Variants in CADM2 observed in about 807,000 individuals in gnomAD.
The protein encoded by CADM2 is cell adhesion molecule 2, also known as immunoglobulin superfamily member 4D.
A neutral mutation model predicts 49.8 loss-of-function variants in CADM2; 12 were observed. That is an observed-to-expected ratio of 0.24 (90% CI 0.15 to 0.39). The LOEUF is 0.39. CADM2 is among the 10% of genes least tolerant of loss of function. The pLI is 1.00. For synonymous variants in CADM2, 214 were observed against 175.4 expected (o/e 1.22, Z -1.74); for missense variants, 378 against 492.3 (o/e 0.77, Z 2.20).
chr3:85,120,855 T>A (rs190783995), intron 1 of CADM2, among the ~76,000 whole-genome samples: 284 of 152,276 alleles, frequency 1.9e-3, no homozygotes, highest in Non-Finnish European at 2.8e-3. Flanking sequence ...GATACATTGC[T>A]CTGCATCTCC....
chr3:85,918,726 A>G (rs1243060122), intron 6 of CADM2, among the ~76,000 whole-genome samples: 5 of 152,138 alleles, frequency 3.3e-5, no homozygotes, highest in African/African-American at 9.6e-5. Flanking sequence ...CAGATTTTAC[A>G]TAACAGGGAA....
At chr3:85,962,888 A>T (rs1725014353) in intron 8 of CADM2, among the ~76,000 whole-genome samples, 1 of 151,944 alleles carries the variant, frequency 6.6e-6, no homozygotes, top group Non-Finnish European at 1.5e-5. Flanking sequence ...CTATGGACAA[A>T]ATATGTTTAT....
intron 1 of CADM2, among the ~76,000 whole-genome samples, chr3:85,553,518 A>G (rs1194471613): frequency 9.5e-6 from 1 of 105,048 alleles, no homozygotes; most frequent in Non-Finnish European, 2.4e-5. Context: ...TAAAACAAGA[A>G]AATTCTACAT....
chr3:84,978,796 C>T (rs2031989290), intron 1 of CADM2, among the ~76,000 whole-genome samples: 1 of 151,940 alleles, frequency 6.6e-6, no homozygotes, highest in African/African-American at 2.4e-5. Context: ...TCATAATAGG[C>T]CATAGGGGAA....
chr3:85,224,770 A>T (rs1453123601), intron 1 of CADM2, among the ~76,000 whole-genome samples: 1 of 152,046 alleles, frequency 6.6e-6, no homozygotes, highest in Non-Finnish European at 1.5e-5. Context: ...TCCTGAGTTA[A>T]TTTTTGTATA....
intron 1 of CADM2, among the ~76,000 whole-genome samples, chr3:85,679,863 C>A (rs1364486098): frequency 6.6e-6 from 1 of 152,044 alleles, no homozygotes; most frequent in Non-Finnish European, 1.5e-5. Flanking sequence ...ATAGCATTTT[C>A]CTCTCTATTG....
At chr3:85,006,983 T>C (rs1271371981) in intron 1 of CADM2, among the ~76,000 whole-genome samples, 2 of 152,140 alleles carry the variant, frequency 1.3e-5, no homozygotes, top group Admixed American at 6.6e-5. Flanking sequence ...CAATAAAATG[T>C]TGCTTAGATT....
chr3:85,378,081 A>G (rs2033696892), intron 1 of CADM2, among the ~76,000 whole-genome samples: 1 of 152,042 alleles, frequency 6.6e-6, no homozygotes, highest in African/African-American at 2.4e-5. Context: ...ATTTTCTATC[A>G]TTGTGAACCA....
At chr3:85,145,461 A>G (rs114861053) in intron 1 of CADM2, among the ~76,000 whole-genome samples, 4,644 of 151,888 alleles carry the variant, frequency 0.031, 102 homozygotes, top group East Asian at 0.044. Flanking sequence ...GTAGAACTAA[A>G]TCACAGTCTT....
intron 1 of CADM2, among the ~76,000 whole-genome samples, chr3:85,206,473 A>G (rs1191981287): frequency 4.0e-5 from 6 of 151,568 alleles, no homozygotes; most frequent in Admixed American, 3.9e-4. Context: ...ACGCCCGGCT[A>G]ATTTTTTGTA....
chr3:85,543,262 T>A (rs1427004307), intron 1 of CADM2, among the ~76,000 whole-genome samples: 2 of 43,100 alleles, frequency 4.6e-5, no homozygotes, highest in African/African-American at 7.6e-5. Context: ...TTTTTATTTT[T>A]ATTTTTTTTG....
intron 1 of CADM2, among the ~76,000 whole-genome samples, chr3:85,321,838 A>G (rs1305508946): frequency 2.0e-5 from 3 of 152,208 alleles, no homozygotes; most frequent in African/African-American, 4.8e-5. Flanking sequence ...CATTGTATGA[A>G]TAGTATGCAT....
At chr3:85,642,692 G>A (rs1456230583) in intron 1 of CADM2, among the ~76,000 whole-genome samples, 1 of 152,128 alleles carries the variant, frequency 6.6e-6, no homozygotes, top group East Asian at 1.9e-4. Flanking sequence ...ACTTGGAAAT[G>A]CTATTAATGA....
At chr3:86,045,521 G>A (rs1218249357) in intron 8 of CADM2, among the ~76,000 whole-genome samples, 1 of 152,120 alleles carries the variant, frequency 6.6e-6, no homozygotes, top group Non-Finnish European at 1.5e-5. Flanking sequence ...GTTACCATGT[G>A]CTGTGAAATT....
chr3:85,979,249 C>A (rs763119513), intron 8 of CADM2: 1 of 1,610,818 alleles, frequency 6.2e-7, no homozygotes, highest in Non-Finnish European at 8.5e-7. Context: ...TAACAACCAG[C>A]CCAACCACAT....
chr3:85,355,966 G>A (rs956576886), intron 1 of CADM2, among the ~76,000 whole-genome samples: 1 of 152,040 alleles, frequency 6.6e-6, no homozygotes, highest in African/African-American at 2.4e-5. Context: ...TTAAACTTAG[G>A]TGGAGATATA....
At chr3:85,877,080 G>A (rs930268250) in intron 3 of CADM2, among the ~76,000 whole-genome samples, 5 of 152,072 alleles carry the variant, frequency 3.3e-5, no homozygotes, top group African/African-American at 1.2e-4. Context: ...AGCTAAGATG[G>A]AATCTTCCAG....
chr3:85,509,159 A>T (rs908236692), intron 1 of CADM2, among the ~76,000 whole-genome samples: 2 of 152,176 alleles, frequency 1.3e-5, no homozygotes, highest in Non-Finnish European at 1.5e-5. Context: ...CATTTAAAAC[A>T]TGAGAGCTGA....
chr3:85,301,335 G>C (rs754835869), intron 1 of CADM2, among the ~76,000 whole-genome samples: 1 of 152,018 alleles, frequency 6.6e-6, no homozygotes, highest in Non-Finnish European at 1.5e-5. Flanking sequence ...TGCTAAAATG[G>C]AATAGTATTC....
Sources: allele counts gnomAD v4.1 joint callset (sites outside exome capture counted in the v4.1 genomes callset), GRCh38; gene constraint gnomAD v4.1.1; transcripts MANE v1.5; gene names NCBI Gene and HGNC (gene_info 2026-07-23, HGNC 2026-07-21).